Variants in DSCAM observed in about 807,000 individuals in gnomAD.
The protein encoded by DSCAM is DS cell adhesion molecule.
In DSCAM, 47 loss-of-function variants were observed where a neutral mutation model predicts 217.7. That is an observed-to-expected ratio of 0.22 (90% CI 0.17 to 0.28). DSCAM has a LOEUF of 0.28. DSCAM is among the 10% of genes least tolerant of loss of function. The probability of loss-of-function intolerance (pLI) is 1.00; values close to 1 mark genes in which losing one functional copy is unlikely to be tolerated. For missense variants in DSCAM, 2,080 were observed against 2,618.3 expected (o/e 0.79, Z 4.49); for synonymous variants, 1,056 against 1,015.3 (o/e 1.04, Z -0.76).
chr21:40,378,554 A>ATTTTTTTTTTTTTTT (rs71186931), intron 3 of DSCAM, among the ~76,000 whole-genome samples: 1 of 75,650 alleles, frequency 1.3e-5, no homozygotes, highest in African/African-American at 5.1e-5. Flanking sequence ...ATGAAAACTT[A>ATTTTTTTTTTTTTTT]TTTTTTTTTT....
At chr21:40,342,639 TA>T (rs2074507353) in intron 6 of DSCAM, among the ~76,000 whole-genome samples, 2 of 100,612 alleles carry the variant, frequency 2.0e-5, no homozygotes, top group African/African-American at 7.9e-5. Context: ...TATATATATA[TA>T]TATATATATT....
chr21:40,436,204 CAATTA>C (rs1394270264), intron 3 of DSCAM, among the ~76,000 whole-genome samples: 10 of 152,208 alleles, frequency 6.6e-5, no homozygotes, highest in East Asian at 1.9e-4. Flanking sequence ...ACTTTTGTGC[CAATTA>C]AATTAAAGTG....
intron 19 of DSCAM, among the ~76,000 whole-genome samples, chr21:40,131,875 T>C (rs971004417): frequency 6.6e-6 from 1 of 152,146 alleles, no homozygotes; most frequent in Non-Finnish European, 1.5e-5. Flanking sequence ...GCATAATTGA[T>C]TGACAAATTA....
intron 24 of DSCAM, among the ~76,000 whole-genome samples, chr21:40,083,360 C>T (rs1011564402): frequency 2.6e-5 from 4 of 152,214 alleles, no homozygotes; most frequent in Non-Finnish European, 2.9e-5. Flanking sequence ...ACTCGACAGG[C>T]GGAGGTTGCA....
At position 40,748,820 on chromosome 21, in the gene DSCAM, C is replaced by G. The variant is rs181146611; in HGVS notation, c.44-40049G>C. On this transcript the variant is annotated intron_variant, in intron 1 of 32. Transcript: ENST00000400454. The stretch of plus-strand genomic sequence containing the variant: ...AACAAAGCTTCAGGCATCACTCTAC[C>G]TGATGAAAATATACTGCATAGCTAT... Among the ~76,000 whole-genome samples, 120 of 152,128 alleles carry G rather than the reference C, an allele frequency of 7.9e-4. 3 individuals carry two copies. In the South Asian group the frequency reaches 0.023, roughly 30 times the overall value.
intron 3 of DSCAM, among the ~76,000 whole-genome samples, chr21:40,538,422 A>G (rs2076516924): frequency 6.6e-6 from 1 of 152,160 alleles, no homozygotes; most frequent in South Asian, 2.1e-4. Flanking sequence ...TCCTCTAACA[A>G]TCACAAAGCT....
intron 8 of DSCAM, among the ~76,000 whole-genome samples, chr21:40,313,305 G>A (rs148042229): frequency 6.8e-4 from 103 of 152,162 alleles, no homozygotes; most frequent in Middle Eastern, 3.4e-3. Context: ...CTGGTCCGTG[G>A]CAGGTTATTT....
intron 20 of DSCAM, among the ~76,000 whole-genome samples, chr21:40,118,338 T>A (rs968290703): frequency 4.6e-5 from 7 of 151,994 alleles, no homozygotes; most frequent in Admixed American, 3.9e-4. Context: ...AAGAAGACAT[T>A]GCATTGGGAG....
intron 3 of DSCAM, among the ~76,000 whole-genome samples, chr21:40,395,123 T>C (rs146456786): frequency 8.3e-4 from 127 of 152,320 alleles, no homozygotes; most frequent in Middle Eastern, 3.4e-3. Context: ...TAAGAAATGA[T>C]AGCATTGTAT....
chr21:40,555,033 A>G (rs534677536), intron 3 of DSCAM, among the ~76,000 whole-genome samples: 1 of 152,204 alleles, frequency 6.6e-6, no homozygotes, highest in African/African-American at 2.4e-5. Context: ...TAAAAGAATG[A>G]GTGAGTGAGT....
chr21:40,816,133 T>A (rs907637514), intron 1 of DSCAM, among the ~76,000 whole-genome samples: 1 of 152,200 alleles, frequency 6.6e-6, no homozygotes, highest in Non-Finnish European at 1.5e-5. Flanking sequence ...GGGGATAACA[T>A]ATTCAATGTG....
At chr21:40,412,376 C>T (rs972099606) in intron 3 of DSCAM, among the ~76,000 whole-genome samples, 2 of 152,150 alleles carry the variant, frequency 1.3e-5, no homozygotes, top group African/African-American at 2.4e-5. Context: ...GTTTGGAACT[C>T]CCTAGAGCCT....
At chr21:40,448,253 C>T (rs371060954) in intron 3 of DSCAM, among the ~76,000 whole-genome samples, 3 of 152,252 alleles carry the variant, frequency 2.0e-5, no homozygotes, top group South Asian at 2.1e-4. Flanking sequence ...CCCTCAGCAA[C>T]GTAGGCACAC....
chr21:40,751,200 C>G lies in DSCAM; in HGVS notation c.44-42429G>C, dbSNP rs1394137548. Among the ~76,000 whole-genome samples, 4 of 152,190 alleles carry G rather than the reference C, an allele frequency of 2.6e-5. No individual in the cohort carries two copies. The East Asian group carries it at 7.7e-4, about 29-fold the overall frequency. On this transcript the variant is annotated intron_variant, in intron 1 of 32. Transcript: ENST00000400454. ...TCTATCACTTCGTTTAGGTTTCACT[C>G]AAGTGCCCCTTCTCAGCGAGACCGA...
intron 6 of DSCAM, among the ~76,000 whole-genome samples, chr21:40,341,999 T>G (rs948075163): frequency 2.0e-5 from 3 of 152,196 alleles, no homozygotes; most frequent in Non-Finnish European, 4.4e-5. Context: ...GTCTCATATT[T>G]CCTCATGACT....
At chr21:40,059,785 G>T (rs541444221) in intron 28 of DSCAM, among the ~76,000 whole-genome samples, 101 of 152,300 alleles carry the variant, frequency 6.6e-4, no homozygotes, top group Non-Finnish European at 1.1e-3. Flanking sequence ...GGGGCCTAGA[G>T]CACAGACTTG....
At chr21:40,609,780 CT>C (rs1257570858) in intron 3 of DSCAM, among the ~76,000 whole-genome samples, 1 of 152,184 alleles carries the variant, frequency 6.6e-6, no homozygotes. Flanking sequence ...GAATTAGGAG[CT>C]AATGGGAGGC....
At chr21:40,531,793 A>G (rs1215728044) in intron 3 of DSCAM, among the ~76,000 whole-genome samples, 1 of 152,204 alleles carries the variant, frequency 6.6e-6, no homozygotes, top group Non-Finnish European at 1.5e-5. Context: ...TTTGCAGCAG[A>G]AATTCAATTA....
At chr21:40,710,273 C>CT (rs11435923) in intron 1 of DSCAM, among the ~76,000 whole-genome samples, 28,195 of 152,026 alleles carry the variant, frequency 0.19, 3,002 homozygotes, top group African/African-American at 0.29. Flanking sequence ...CAACAATACA[C>CT]TTTTATTTAA....
Sources: gnomAD v4.1 joint callset for allele counts (sites outside exome capture counted in the v4.1 genomes callset) on GRCh38, gnomAD v4.1.1 for gene constraint, MANE v1.5 for transcripts, NCBI Gene and HGNC (gene_info 2026-07-23, HGNC 2026-07-21) for gene names.